Variants in ETFA observed in about 807,000 individuals in gnomAD.
ETFA encodes the protein electron transfer flavoprotein subunit alpha.
ETFA carries 22 observed loss-of-function variants against 46.2 expected under a neutral mutation model. The observed-to-expected ratio is 0.48, with a 90% CI of 0.34 to 0.68. The LOEUF is 0.68. Ranked by LOEUF, ETFA falls within the 30% of genes least tolerant of loss-of-function variation. The pLI is 0.01. For synonymous variants in ETFA, 131 were observed against 139.9 expected, an observed-to-expected ratio of 0.94 and a Z score of 0.45; for missense variants, 345 against 401.1, an observed-to-expected ratio of 0.86 and a Z score of 1.19.
rs114648936 is a variant in ETFA at position 76,269,693 on chromosome 15, A to G, written c.816+4719T>C. Among the ~76,000 whole-genome samples, 208 of 152,290 alleles carry G rather than the reference A, an allele frequency of 1.4e-3. 1 individual carries two copies. The highest frequency in any genetic ancestry group is 4.8e-3 in the African/African-American group (200 of 41,562). Reference sequence around the variant, plus strand: ...GATCACCCCAACAAAAAGCTATCCAATCATCTTAACAGATGCAGAAAACAT... The same window carrying G: ...GATCACCCCAACAAAAAGCTATCCAGTCATCTTAACAGATGCAGAAAACAT... On this transcript the variant is annotated intron_variant, in intron 9 of 11. Transcript: ENST00000557943.
chr15:76,284,498 A>C (rs181420090), intron 7 of ETFA: 1 of 200,218 alleles, frequency 5.0e-6, no homozygotes, highest in Non-Finnish European at 9.8e-6. Flanking sequence ...TTATTTATTT[A>C]TTTATTTTTT....
At chr15:76,288,084 T>A in intron 4 of ETFA, 139 bp from the exon 5 acceptor site, 1 of 662,872 alleles carries the variant, frequency 1.5e-6, no homozygotes, top group Non-Finnish European at 2.8e-6. Flanking sequence ...CACCTTTGGA[T>A]ACACAACTTC....
In ETFA at chr15:76,256,631, G is replaced by A. The variant is rs565210094; in HGVS notation, c.816+17781C>T. Among the ~76,000 whole-genome samples the A allele has an allele frequency of 1.8e-3, 271 of 152,256 alleles. 5 individuals carry two copies. Among genetic ancestry groups the A allele is most frequent in the African/African-American group, 6.3e-3 (261 of 41,550 alleles). On this transcript the variant is annotated intron_variant, in intron 9 of 11. Transcript: ENST00000557943. ...ATCAAAATTCTAAAACACTTGTACC[G>A]ATGACTATGAGCTTTGAAGATTCTT... is the stretch of plus-strand genomic sequence containing the variant.
intron 1 of ETFA, among the ~76,000 whole-genome samples, chr15:76,309,446 G>A (rs554719182): frequency 6.6e-6 from 1 of 152,054 alleles, no homozygotes; most frequent in South Asian, 2.1e-4. Context: ...GCGAGACTCC[G>A]TCTCAAAACA....
chr15:76,288,923 T>C (rs796914207), intron 4 of ETFA, among the ~76,000 whole-genome samples: 1 of 137,360 alleles, frequency 7.3e-6, no homozygotes, highest in African/African-American at 2.9e-5. Flanking sequence ...TCTTCTTCTT[T>C]TTTTTTTTTT....
At chr15:76,288,415 T>C (rs568480338) in intron 4 of ETFA, among the ~76,000 whole-genome samples, 1 of 151,818 alleles carries the variant, frequency 6.6e-6, no homozygotes, top group East Asian at 1.9e-4. Context: ...TGATATTGTA[T>C]AAAAAAAAGA....
chr15:76,254,309 G>A (rs1596201166), intron 9 of ETFA, among the ~76,000 whole-genome samples: 1 of 152,312 alleles, frequency 6.6e-6, no homozygotes, highest in Middle Eastern at 3.4e-3. Context: ...AACTCTGGCT[G>A]ACCCCCGCAT....
chr15:76,262,296 CAT>C (rs1341270775), intron 9 of ETFA, among the ~76,000 whole-genome samples: 1 of 151,352 alleles, frequency 6.6e-6, no homozygotes, highest in Non-Finnish European at 1.5e-5. Flanking sequence ...ATATCTAAAA[CAT>C]GTGTAACTAG....
rs143723690 is a variant in ETFA, at chr15:76,279,674, T to C, written c.733+4083A>G. Among the ~76,000 whole-genome samples the C allele has an allele frequency of 3.9e-3, 601 of 152,264 alleles. 3 individuals carry two copies. The highest frequency in any genetic ancestry group is 0.014 in the African/African-American group (569 of 41,534). On this transcript the variant is annotated intron_variant, in intron 8 of 11. Transcript: ENST00000557943. ...ACGATGTCTAAGTGGTTAAATCCAA[T>C]AGTCAATCTTCAGTCCTCACCGTCC... is the stretch of plus-strand genomic sequence containing the variant.
chr15:76,272,022 G>GA (rs1221432147), intron 9 of ETFA, among the ~76,000 whole-genome samples: 1 of 151,054 alleles, frequency 6.6e-6, no homozygotes, highest in African/African-American at 2.4e-5. Context: ...ATTTCCTTAT[G>GA]AAAAAAAATT....
intron 1 of ETFA, among the ~76,000 whole-genome samples, chr15:76,304,661 C>CAA (rs796277864): frequency 2.1e-4 from 18 of 87,108 alleles, no homozygotes; most frequent in Admixed American, 4.1e-4. Context: ...GACTCTATTT[C>CAA]AAAAAAAAAA....
At position 76,259,712 on chromosome 15, in the gene ETFA, G is replaced by A; in HGVS notation, c.816+14700C>T. 3.6e-6 allele frequency: 5 copies of A among 1,384,222 alleles called. No individual in the cohort carries two copies. The Admixed American group carries it at 8.4e-5, about 23-fold the overall frequency. 85.7% of individuals were successfully genotyped at this position (1,384,222 alleles called of 1,614,324 possible). A position where few individuals can be genotyped will look rare whatever the true frequency, so the allele number is the denominator to read the frequency against. On this transcript the variant is annotated intron_variant, in intron 9 of 11. Coordinates refer to ENST00000557943, the MANE Select transcript of ETFA (RefSeq NM_000126.4). ...GAGTCCAAAGTCAGCCACACACACG[G>A]TCATGTCCCCTGCCAGCATGCAGTT...
intron 9 of ETFA, among the ~76,000 whole-genome samples, chr15:76,233,325 C>CTTTTTTTTTTTT (rs66595585): frequency 2.4e-5 from 2 of 84,496 alleles, no homozygotes; most frequent in Non-Finnish European, 2.2e-5. Flanking sequence ...ATTCAATAGG[C>CTTTTTTTTTTTT]TTTTTTTTTT....
intron 2 of ETFA, 48 bp downstream of exon 2, chr15:76,295,543 T>C (rs774456244): frequency 7.2e-6 from 11 of 1,528,810 alleles, no homozygotes; most frequent in Non-Finnish European, 9.1e-7. Context: ...TTTTCCTGTC[T>C]CTTGATGGAG....
rs79093366 is a variant in ETFA, at chr15:76,220,821, C to T, written c.964-4224G>A. On this transcript the variant is annotated intron_variant, in intron 11 of 11. Transcript: ENST00000557943. ...GAAGGGCTATATTTAAAAAGACAGA[C>T]AATAACATACATTAATGAGTATATA... Among the ~76,000 whole-genome samples, 545 of 152,214 alleles carry T rather than the reference C, an allele frequency of 3.6e-3. 1 individual carries two copies. The highest frequency in any genetic ancestry group is 0.013 in the African/African-American group (526 of 41,550).
At position 76,263,788 on chromosome 15, in the gene ETFA, G is replaced by A. The variant is rs2404973; in HGVS notation, c.816+10624C>T. 5.3e-5 allele frequency among the ~76,000 whole-genome samples: 8 copies of A among 152,316 alleles called. No individual in the cohort carries two copies. The East Asian group carries it at 1.3e-3, about 26-fold the overall frequency. The stretch of plus-strand genomic sequence containing the variant: ...TCAGATGAGGAAGAGGAGGACGAGT[G>A]TAAAAAACTAACTTCAGATTCTGAG... On this transcript the variant is annotated intron_variant, in intron 9 of 11. Coordinates refer to ENST00000557943, the MANE Select transcript of ETFA (RefSeq NM_000126.4).
rs181886593 is a variant in ETFA, at chr15:76,279,329, G to A, written c.733+4428C>T. ...CTTGTTCTGTCACCCAGGCTGGAGT[G>A]CAGTGGCATAATTACAGCTCACTGC... On this transcript the variant is annotated intron_variant, in intron 8 of 11. Coordinates refer to ENST00000557943, the MANE Select transcript of ETFA (RefSeq NM_000126.4). Among the ~76,000 whole-genome samples the A allele has an allele frequency of 3.7e-3, 559 of 152,240 alleles. 3 individuals carry two copies. Among genetic ancestry groups the A allele is most frequent in the Non-Finnish European group, 5.5e-3 (376 of 68,006 alleles).
At chr15:76,252,223 T>C (rs2039305678) in intron 9 of ETFA, among the ~76,000 whole-genome samples, 2 of 152,106 alleles carry the variant, frequency 1.3e-5, no homozygotes, top group Non-Finnish European at 2.9e-5. Flanking sequence ...GGCTGGAGTG[T>C]AGCGTCACAA....
chr15:76,261,197 T>G (rs1432928438), intron 9 of ETFA: 1 of 1,538,902 alleles, frequency 6.5e-7, no homozygotes, highest in East Asian at 2.3e-5. Context: ...CACCAGACAA[T>G]GGTAACAGGT....
Sources: allele counts gnomAD v4.1 joint callset (sites outside exome capture counted in the v4.1 genomes callset), GRCh38; gene constraint gnomAD v4.1.1; transcripts MANE v1.5; gene names NCBI Gene and HGNC (gene_info 2026-07-23, HGNC 2026-07-21).